Variants in GALNT17 observed in about 807,000 individuals in gnomAD.
GALNT17 encodes the protein UDP-GalNAc:polypeptide N-acetylgalactosaminyltransferase-like 3.
Under a neutral mutation model 63.7 loss-of-function variants are expected in GALNT17, and 29 were observed. The observed-to-expected ratio is 0.46, with a 90% CI of 0.34 to 0.62. GALNT17 has a LOEUF of 0.62. GALNT17 is among the 20% of genes least tolerant of loss of function. The pLI, the probability that GALNT17 is intolerant of heterozygous loss-of-function variation, is 0.01. For missense variants in GALNT17, 603 were observed against 799.6 expected (o/e 0.75, Z 2.97); for synonymous variants, 305 against 318.3 (o/e 0.96, Z 0.45).
At chr7:71,533,681 G>T (rs575010399) in intron 5 of GALNT17, among the ~76,000 whole-genome samples, 1 of 152,270 alleles carries the variant, frequency 6.6e-6, no homozygotes, top group South Asian at 2.1e-4. Flanking sequence ...GGGTTTCTTT[G>T]CATGTGCTGC....
chr7:71,441,672 T>G (rs1787069177), intron 5 of GALNT17, among the ~76,000 whole-genome samples: 1 of 152,164 alleles, frequency 6.6e-6, no homozygotes, highest in Non-Finnish European at 1.5e-5. Context: ...GTGTGTGATG[T>G]TCCCCTCCCT....
chr7:71,315,019 T>C (rs760105771), intron 1 of GALNT17, among the ~76,000 whole-genome samples: 1 of 152,332 alleles, frequency 6.6e-6, no homozygotes, highest in South Asian at 2.1e-4. Flanking sequence ...ATTGTACCCA[T>C]TGGCAGTCAC....
At chr7:71,332,888 A>C (rs553200738) in intron 1 of GALNT17, among the ~76,000 whole-genome samples, 1 of 152,158 alleles carries the variant, frequency 6.6e-6, no homozygotes, top group East Asian at 1.9e-4. Flanking sequence ...GGGATTCATC[A>C]TGTTGGCCAG....
rs1160786497 is a variant in GALNT17 at position 71,132,436 on chromosome 7, C to A, written c.-367C>A. 5.9e-6 allele frequency: 1 copy of A among 168,302 alleles called. No individual in the cohort carries two copies. Among genetic ancestry groups the A allele is most frequent in the Non-Finnish European group, 1.3e-5 (1 of 79,302 alleles). The allele number at this position is 168,302 out of a possible 1,614,324, so 10.4% of individuals were successfully genotyped here. ...CCCGGGCAGCCCCGCCTGCCGGCCTCGGAGTCCGCGGCGCCGGCGGCTAGA... is the reference window on the plus strand; with the variant it reads ...CCCGGGCAGCCCCGCCTGCCGGCCTAGGAGTCCGCGGCGCCGGCGGCTAGA... On this transcript the variant is annotated 5_prime_UTR_variant, in exon 1 of 11. Transcript: ENST00000333538.
At chr7:71,297,020 CTG>C (rs1171277760) in intron 1 of GALNT17, among the ~76,000 whole-genome samples, 1 of 152,212 alleles carries the variant, frequency 6.6e-6, no homozygotes, top group Admixed American at 6.5e-5. Context: ...CACTATTGCT[CTG>C]GTGGGATAAG....
chr7:71,191,327 GTGTTT>G (rs1337745268), intron 1 of GALNT17, among the ~76,000 whole-genome samples: 3 of 150,054 alleles, frequency 2.0e-5, no homozygotes, highest in African/African-American at 7.4e-5. Flanking sequence ...TTTTGTCTCT[GTGTTT>G]TGTTTTGTTT....
At chr7:71,258,324 T>C (rs988894006) in intron 1 of GALNT17, among the ~76,000 whole-genome samples, 18 of 152,264 alleles carry the variant, frequency 1.2e-4, no homozygotes, top group Non-Finnish European at 2.9e-5. Context: ...TGCTGATTCA[T>C]GGTCAAGAGT....
rs551806359 is a variant in GALNT17 at position 71,343,946 on chromosome 7, G to T, written c.422+8213G>T. On this transcript the variant is annotated intron_variant, in intron 2 of 10. Transcript: ENST00000333538. ...TTTTTCTTCTTCTTGTCCTTTCTTG[G>T]TTTTGTAGAAATTACTAAAAATGAT... 2.3e-4 allele frequency among the ~76,000 whole-genome samples: 35 copies of T among 151,226 alleles called. No individual in the cohort carries two copies. In the South Asian group the frequency reaches 7.4e-3, roughly 32 times the overall value.
chr7:71,278,936 T>G (rs560135363), intron 1 of GALNT17, among the ~76,000 whole-genome samples: 32 of 151,828 alleles, frequency 2.1e-4, no homozygotes, highest in Non-Finnish European at 4.6e-4. Flanking sequence ...CTTCTTTTTT[T>G]TTTTAATTGA....
chr7:71,441,223 A>G (rs1029205203), intron 5 of GALNT17, among the ~76,000 whole-genome samples: 1 of 151,976 alleles, frequency 6.6e-6, no homozygotes, highest in Non-Finnish European at 1.5e-5. Flanking sequence ...GGGTTTCATC[A>G]TGTTGGCCAG....
At chr7:71,501,120 C>T (rs1788173906) in intron 5 of GALNT17, among the ~76,000 whole-genome samples, 1 of 152,134 alleles carries the variant, frequency 6.6e-6, no homozygotes, top group Admixed American at 6.6e-5. Context: ...CACGCGCTAC[C>T]ACCATGCTCA....
At chr7:71,548,054 CCT>C (rs1180211467) in intron 5 of GALNT17, among the ~76,000 whole-genome samples, 5 of 151,756 alleles carry the variant, frequency 3.3e-5, no homozygotes, top group African/African-American at 7.3e-5. Context: ...ATGGTGAAAC[CCT>C]GTCTTTACCA....
At chr7:71,211,806 T>C (rs1020397752) in intron 1 of GALNT17, among the ~76,000 whole-genome samples, 7 of 152,200 alleles carry the variant, frequency 4.6e-5, no homozygotes, top group Non-Finnish European at 7.3e-5. Flanking sequence ...CCTCAAGATA[T>C]GTGGAACTTT....
At chr7:71,175,425 C>CTA (rs1225566870) in intron 1 of GALNT17, among the ~76,000 whole-genome samples, 14 of 152,332 alleles carry the variant, frequency 9.2e-5, no homozygotes, top group African/African-American at 3.4e-4. Flanking sequence ...TATCATCTAT[C>CTA]TATCTTATCT....
chr7:71,192,151 C>T (rs532910634), intron 1 of GALNT17, among the ~76,000 whole-genome samples: 35 of 152,162 alleles, frequency 2.3e-4, no homozygotes, highest in African/African-American at 7.2e-4. Context: ...AGATGAAGGC[C>T]GGAAGACTCA....
At chr7:71,564,210 C>T (rs754218805) in intron 5 of GALNT17, among the ~76,000 whole-genome samples, 2 of 151,252 alleles carry the variant, frequency 1.3e-5, no homozygotes, top group Admixed American at 1.3e-4. Context: ...TTTCCAGCCT[C>T]TGTCAGGCTC....
intron 1 of GALNT17, among the ~76,000 whole-genome samples, chr7:71,254,396 A>G (rs1191721671): frequency 6.6e-6 from 1 of 152,144 alleles, no homozygotes; most frequent in Non-Finnish European, 1.5e-5. Context: ...CAGAATGTAG[A>G]TTTTCCCTAC....
At chr7:71,292,536 A>G (rs1185307710) in intron 1 of GALNT17, among the ~76,000 whole-genome samples, 5 of 152,164 alleles carry the variant, frequency 3.3e-5, no homozygotes, top group Non-Finnish European at 7.3e-5. Context: ...AAAATTGTAT[A>G]TATTCAAGAT....
At chr7:71,244,129 T>A (rs996634464) in intron 1 of GALNT17, among the ~76,000 whole-genome samples, 2 of 152,178 alleles carry the variant, frequency 1.3e-5, no homozygotes, top group African/African-American at 4.8e-5. Flanking sequence ...TGCTCCAGCA[T>A]CCGCCTGCTG....
Sources: gnomAD v4.1 joint callset for allele counts (sites outside exome capture counted in the v4.1 genomes callset) on GRCh38, gnomAD v4.1.1 for gene constraint, MANE v1.5 for transcripts, NCBI Gene and HGNC (gene_info 2026-07-23, HGNC 2026-07-21) for gene names.